The following MEF2C variants were observed in gnomAD, a reference collection of about 807,000 sequenced individuals.
MEF2C encodes the protein myocyte-specific enhancer factor 2C.
Under a neutral mutation model 50.5 loss-of-function variants are expected in MEF2C, and 6 were observed. The ratio of observed to expected loss-of-function variants is 0.12; its 90% CI spans 0.07 to 0.23. The LOEUF is 0.23. MEF2C is among the 10% of genes least tolerant of loss of function. The pLI is 1.00. For missense variants in MEF2C, 276 were observed against 605.0 expected, an observed-to-expected ratio of 0.46 and a Z score of 5.70; for synonymous variants, 183 against 228.0, an observed-to-expected ratio of 0.80 and a Z score of 1.78.
chr5:88,847,712 G>T (rs1028225353), intron 1 of MEF2C, among the ~76,000 whole-genome samples: 1 of 151,006 alleles, frequency 6.6e-6, no homozygotes, highest in African/African-American at 2.4e-5. Flanking sequence ...TAAAACACAT[G>T]TTAAAAAAAA....
At chr5:88,826,842 C>A (rs1452803318) in intron 1 of MEF2C, among the ~76,000 whole-genome samples, 1 of 151,510 alleles carries the variant, frequency 6.6e-6, no homozygotes, top group Non-Finnish European at 1.5e-5. Context: ...CTTGCCACTA[C>A]TTTTTTTCCA....
chr5:88,767,894 C>T (rs780094412), intron 3 of MEF2C, among the ~76,000 whole-genome samples: 4 of 152,236 alleles, frequency 2.6e-5, no homozygotes, highest in Non-Finnish European at 5.9e-5. Context: ...ATACTCTAGT[C>T]TGGATGAGAC....
intron 1 of MEF2C, among the ~76,000 whole-genome samples, chr5:88,832,691 T>A (rs956665484): frequency 6.6e-6 from 1 of 152,120 alleles, no homozygotes; most frequent in Admixed American, 6.6e-5. Context: ...ACTGCAGCAG[T>A]TTACCTAGAA....
At chr5:88,723,067 T>C (rs1420234036) in intron 10 of MEF2C, 142 bp from the exon 11 acceptor site, 6 of 756,422 alleles carry the variant, frequency 7.9e-6, no homozygotes, top group African/African-American at 1.8e-5. Context: ...TGGAAGCACA[T>C]AAGGGCATCG....
At chr5:88,731,559 AACCAGTT>A in intron 7 of MEF2C, 163 bp downstream of exon 7, 5 of 616,790 alleles carry the variant, frequency 8.1e-6, no homozygotes, top group Non-Finnish European at 1.4e-5. Flanking sequence ...GGGAAATGCA[AACCAGTT>A]ACCAGAAATA....
At chr5:88,786,608 ATC>A (rs1026905603) in intron 3 of MEF2C, among the ~76,000 whole-genome samples, 14 of 152,360 alleles carry the variant, frequency 9.2e-5, no homozygotes, top group African/African-American at 2.9e-4. Context: ...AATTATAACC[ATC>A]TGTTTATAGA....
In MEF2C at chr5:88,787,794, A is replaced by T. The variant is rs184832784; in HGVS notation, c.258+16804T>A. 2.2e-3 allele frequency among the ~76,000 whole-genome samples: 335 copies of T among 152,292 alleles called. 1 individual carries two copies. The highest frequency in any genetic ancestry group is 7.8e-3 in the African/African-American group (326 of 41,544). Reference sequence around the variant, plus strand: ...TCAGAAGAAACCGTGTGCACGCATGATCTTTTCTTTCCTGTTGGAAAAGTT... The same window carrying T: ...TCAGAAGAAACCGTGTGCACGCATGTTCTTTTCTTTCCTGTTGGAAAAGTT... On this transcript the variant is annotated intron_variant, in intron 3 of 10. Coordinates refer to ENST00000504921, the MANE Select transcript of MEF2C (RefSeq NM_002397.5).
intron 1 of MEF2C, among the ~76,000 whole-genome samples, chr5:88,826,693 C>A (rs1811013397): frequency 6.6e-6 from 1 of 151,940 alleles, no homozygotes; most frequent in Admixed American, 6.6e-5. Flanking sequence ...GATTATTTAA[C>A]TTTAGTAATC....
intron 4 of MEF2C, among the ~76,000 whole-genome samples, chr5:88,757,842 G>A (rs1305166626): frequency 6.6e-6 from 1 of 152,162 alleles, no homozygotes; most frequent in African/African-American, 2.4e-5. Flanking sequence ...CTTGAACATG[G>A]GAGGCGGAGG....
intron 2 of MEF2C, among the ~76,000 whole-genome samples, chr5:88,816,658 A>G (rs1805574172): frequency 6.6e-6 from 1 of 151,786 alleles, no homozygotes; most frequent in African/African-American, 2.4e-5. Flanking sequence ...AGCTTTTAAG[A>G]AGGCATCCCC....
In MEF2C at chr5:88,727,215, A is replaced by G. The variant is rs538232619; in HGVS notation, c.1100+1278T>C. ...GAGAAAATTTAAGTGTCCTAAAAAG[A>G]TAAAACTCTGCGCTGATCAATATGT... On this transcript the variant is annotated intron_variant, in intron 10 of 10. Coordinates refer to ENST00000504921, the MANE Select transcript of MEF2C (RefSeq NM_002397.5). Among the ~76,000 whole-genome samples, 58 of 152,302 alleles carry G rather than the reference A, an allele frequency of 3.8e-4. No homozygotes were observed. The Middle Eastern group carries it at 0.01, about 27-fold the overall frequency.
intron 8 of MEF2C, among the ~76,000 whole-genome samples, chr5:88,729,753 G>A (rs1203131217): frequency 1.3e-5 from 2 of 152,098 alleles, no homozygotes; most frequent in African/African-American, 4.8e-5. Flanking sequence ...GAGCAAATGA[G>A]TAGGGGCTCA....
intron 1 of MEF2C, among the ~76,000 whole-genome samples, chr5:88,837,492 A>C (rs1169214686): frequency 2.0e-5 from 3 of 152,198 alleles, no homozygotes; most frequent in African/African-American, 7.2e-5. Context: ...TCAGACTCTC[A>C]GTTGGGTTCG....
At chr5:88,748,202 C>T in intron 6 of MEF2C, 1 of 983,570 alleles carries the variant, frequency 1.0e-6, no homozygotes, top group Non-Finnish European at 1.2e-6. Context: ...GGCTATTCTA[C>T]TTGACCCTGG....
chr5:88,754,914 C>T (rs1339253768), intron 4 of MEF2C, among the ~76,000 whole-genome samples: 1 of 152,174 alleles, frequency 6.6e-6, no homozygotes, highest in Non-Finnish European at 1.5e-5. Flanking sequence ...CACCTTCTGC[C>T]TCCCTGCCTC....
chr5:88,817,879 C>T (rs936801030), intron 2 of MEF2C: 7 of 151,904 alleles, frequency 4.6e-5, no homozygotes, highest in African/African-American at 1.7e-4. Context: ...TTAGGCTAAG[C>T]ATGCCTAATT....
chr5:88,737,453 A>C, intron 6 of MEF2C: 1 of 985,430 alleles, frequency 1.0e-6, no homozygotes, highest in African/African-American at 1.7e-5. Context: ...CATTTTCCCT[A>C]ATGAAAATGA....
chr5:88,768,598 A>G, intron 3 of MEF2C: 1 of 733,028 alleles, frequency 1.4e-6, no homozygotes. Flanking sequence ...ACCAGAACTT[A>G]GCACAAGGCC....
intron 1 of MEF2C, among the ~76,000 whole-genome samples, chr5:88,840,143 G>A (rs760810350): frequency 6.6e-6 from 1 of 151,942 alleles, no homozygotes; most frequent in Admixed American, 6.6e-5. Flanking sequence ...TATTTTTAAG[G>A]CCTTCCGGAA....
Sources: gnomAD v4.1 joint callset for allele counts (sites outside exome capture counted in the v4.1 genomes callset) on GRCh38, gnomAD v4.1.1 for gene constraint, MANE v1.5 for transcripts, NCBI Gene and HGNC (gene_info 2026-07-23, HGNC 2026-07-21) for gene names.